PHLPP1: variants seen among roughly 807,000 people sequenced by gnomAD.
PHLPP1 encodes the protein PH domain and leucine rich repeat protein phosphatase 1, also known as PH domain leucine-rich repeat-containing protein phosphatase 1.
Under a neutral mutation model 117.2 loss-of-function variants are expected in PHLPP1, and 42 were observed. The observed-to-expected ratio is 0.36, with a 90% CI of 0.28 to 0.46. PHLPP1 has a LOEUF of 0.46. Among genes scored for constraint, PHLPP1 ranks in the 20% least tolerant of loss-of-function variants. The pLI is 1.00. For missense variants in PHLPP1, 2,084 were observed against 2,241.9 expected, an observed-to-expected ratio of 0.93 and a Z score of 1.42; for synonymous variants, 1,042 against 970.7, an observed-to-expected ratio of 1.07 and a Z score of -1.37.
chr18:62,738,875 G>T (rs1911442658), intron 1 of PHLPP1, among the ~76,000 whole-genome samples: 1 of 152,192 alleles, frequency 6.6e-6, no homozygotes, highest in Non-Finnish European at 1.5e-5. Context: ...TGTATGTCCT[G>T]CATGTTGGTA....
chr18:62,788,181 C>T (rs1362742671), intron 1 of PHLPP1, among the ~76,000 whole-genome samples: 2 of 152,080 alleles, frequency 1.3e-5, no homozygotes, highest in East Asian at 3.8e-4. Context: ...CTTTAAATTC[C>T]TTCCTTTGAA....
intron 1 of PHLPP1, among the ~76,000 whole-genome samples, chr18:62,775,379 G>A (rs866021177): frequency 3.3e-5 from 5 of 152,212 alleles, no homozygotes; most frequent in Non-Finnish European, 7.3e-5. Context: ...GGATTCAGGC[G>A]TGAGCCACCG....
At chr18:62,900,433 CTTTTT>C (rs774225759) in intron 6 of PHLPP1, among the ~76,000 whole-genome samples, 3 of 54,258 alleles carry the variant, frequency 5.5e-5, no homozygotes, top group African/African-American at 8.1e-5. Flanking sequence ...CTTTTTCTTT[CTTTTT>C]TTTTTTTTTT....
intron 12 of PHLPP1, among the ~76,000 whole-genome samples, chr18:62,945,700 A>G (rs1910263120): frequency 1.3e-5 from 2 of 152,298 alleles, no homozygotes; most frequent in South Asian, 4.1e-4. Flanking sequence ...AGCACACCCC[A>G]CCATATTAGC....
intron 4 of PHLPP1, among the ~76,000 whole-genome samples, chr18:62,880,676 T>G (rs1916155070): frequency 6.6e-6 from 1 of 152,200 alleles, no homozygotes; most frequent in Non-Finnish European, 1.5e-5. Context: ...AGAAACCATC[T>G]CAAAACAGAT....
Position 62,715,622 on chromosome 18 carries a change from C to T in PHLPP1, c.-62C>T. 1 of 1,151,002 alleles carries T rather than the reference C, an allele frequency of 8.7e-7. No homozygotes were observed. The highest frequency in any genetic ancestry group is 1.1e-6 in the Non-Finnish European group (1 of 907,760). The allele number at this position is 1,151,002 out of a possible 1,614,324, so 71.3% of individuals were successfully genotyped here. On this transcript the variant is annotated 5_prime_UTR_variant, in exon 1 of 17. Transcript: ENST00000262719. ...CCGCCGCCGTCTCCCACCTCCGCCT[C>T]ATCGCCTCCCTCTCCGCCCGCTGCC... is the stretch of plus-strand genomic sequence containing the variant.
At chr18:62,932,812 A>T (rs570076303) in intron 10 of PHLPP1, among the ~76,000 whole-genome samples, 8 of 152,348 alleles carry the variant, frequency 5.3e-5, no homozygotes, top group African/African-American at 1.7e-4. Flanking sequence ...ATAGGAAAAG[A>T]GGAAATCAAA....
intron 1 of PHLPP1, among the ~76,000 whole-genome samples, chr18:62,751,474 G>T (rs1304253350): frequency 6.6e-6 from 1 of 152,184 alleles, no homozygotes; most frequent in African/African-American, 2.4e-5. Flanking sequence ...ATGCAGAGGA[G>T]AGTCATTTGG....
At chr18:62,846,329 A>G (rs1915182803) in intron 3 of PHLPP1, among the ~76,000 whole-genome samples, 1 of 152,032 alleles carries the variant, frequency 6.6e-6, no homozygotes, top group Non-Finnish European at 1.5e-5. Context: ...TTGTGAGAAA[A>G]GTTTGGAAAT....
intron 1 of PHLPP1, among the ~76,000 whole-genome samples, chr18:62,749,927 A>T (rs1721182739): frequency 6.6e-6 from 1 of 152,152 alleles, no homozygotes; most frequent in Non-Finnish European, 1.5e-5. Flanking sequence ...GAGACGGGAG[A>T]ATCTCTTAAA....
rs770195769 is a variant in PHLPP1, at chr18:62,978,420, C to T, written c.4143C>T (p.Ser1381=). 32 of 1,611,938 alleles carry T rather than the reference C, an allele frequency of 2.0e-5. No homozygotes were observed. Among genetic ancestry groups the T allele is most frequent in the Middle Eastern group, 3.3e-4 (2 of 6,080 alleles). ...GTAAGGGGTTGTGGGACAGCCTGTC[C>T]GTCGAGGAGGCCGTGGAAGCCGTGC... ...LGSKGLWDSL[S]VEEAVEAVRN... is the part of the protein sequence containing the mutation. Residue 1381 remains serine, a synonymous_variant, in exon 17 of 17, where the codon TCC becomes TCT. Transcript: ENST00000262719. The surrounding 1 kb of genome is among the most constrained non-coding windows in gnomAD (Gnocchi z 7.0).
chr18:62,732,808 G>C (rs1911264353), intron 1 of PHLPP1, among the ~76,000 whole-genome samples: 1 of 152,210 alleles, frequency 6.6e-6, no homozygotes, highest in African/African-American at 2.4e-5. Context: ...ATTTATGGAT[G>C]ATAATGAGGA....
chr18:62,808,547 G>GTTTTTTTTTGTTTTTTTTTTTTTTTTTT (rs754879032), intron 1 of PHLPP1, among the ~76,000 whole-genome samples: 1 of 142,396 alleles, frequency 7.0e-6, no homozygotes, highest in Non-Finnish European at 1.6e-5. Context: ...TCATCTCTCT[G>GTTTTTTTTTGTTTTTTTTTTTTTTTTTT]TTTTTTTTTG....
intron 1 of PHLPP1, among the ~76,000 whole-genome samples, chr18:62,790,283 C>T (rs1023983706): frequency 6.6e-6 from 1 of 152,146 alleles, no homozygotes; most frequent in South Asian, 2.1e-4. Flanking sequence ...CAATAAAACA[C>T]GTGGGAGGAG....
chr18:62,975,730 G>T (rs1330924740), intron 16 of PHLPP1, 105 bp downstream of exon 16: 7 of 729,002 alleles, frequency 9.6e-6, no homozygotes, highest in Non-Finnish European at 1.7e-5. Flanking sequence ...GAACACTTTT[G>T]AAGTTGGTTT....
At chr18:62,817,055 C>T (rs890262816) in intron 1 of PHLPP1, among the ~76,000 whole-genome samples, 5 of 152,148 alleles carry the variant, frequency 3.3e-5, no homozygotes, top group African/African-American at 1.2e-4. Flanking sequence ...GATCCTGCAA[C>T]CTCAGCCTCC....
At chr18:62,969,651 GCT>G (rs1317919516) in intron 14 of PHLPP1, among the ~76,000 whole-genome samples, 2 of 152,276 alleles carry the variant, frequency 1.3e-5, no homozygotes, top group East Asian at 3.9e-4. Flanking sequence ...ACATCTTGAA[GCT>G]CTGTTAAGTA....
intron 14 of PHLPP1, among the ~76,000 whole-genome samples, chr18:62,968,395 C>T (rs1043800165): frequency 1.3e-5 from 2 of 152,024 alleles, no homozygotes; most frequent in South Asian, 4.1e-4. Context: ...TTTTAACCTA[C>T]AATTTCTTTA....
At chr18:62,893,438 A>AT (rs531993996) in intron 4 of PHLPP1, among the ~76,000 whole-genome samples, 7 of 152,224 alleles carry the variant, frequency 4.6e-5, no homozygotes, top group East Asian at 1.9e-4. Context: ...TCCCTAAGTG[A>AT]TTTTTTTTAA....
Sources: allele counts gnomAD v4.1 joint callset (sites outside exome capture counted in the v4.1 genomes callset), GRCh38; gene constraint gnomAD v4.1.1; non-coding constraint Gnocchi (gnomAD v3.1); transcripts MANE v1.5; gene names NCBI Gene and HGNC (gene_info 2026-07-23, HGNC 2026-07-21).